Variants in MON1B observed in about 807,000 individuals in gnomAD.
The protein encoded by MON1B is MON1 vesicular trafficking associated B.
In MON1B, 26 loss-of-function variants were observed where a neutral mutation model predicts 45.1. That is an observed-to-expected ratio of 0.58 (90% CI 0.42 to 0.80). The LOEUF (loss-of-function observed/expected upper bound fraction) is 0.80. Among genes scored for constraint, MON1B ranks in the 30% least tolerant of loss-of-function variants. MON1B has a pLI of 0.00. For missense variants in MON1B, 737 were observed against 754.5 expected (o/e 0.98, Z 0.27); for synonymous variants, 395 against 320.2 (o/e 1.23, Z -2.49).
chr16:77,193,322 G>C lies in MON1B; in HGVS notation c.149-129G>C. 1 of 841,916 alleles carries C rather than the reference G, an allele frequency of 1.2e-6. No homozygotes were observed. The highest frequency in any genetic ancestry group is 1.8e-6 in the Non-Finnish European group (1 of 547,208). The allele number at this position is 841,916 out of a possible 1,614,324, so 52.2% of individuals were successfully genotyped here. On this transcript the variant is annotated intron_variant, in intron 2 of 5. Transcript: ENST00000248248. The surrounding 1 kb of genome is among the most constrained non-coding windows in gnomAD (Gnocchi z 5.0). ...GTCATCGGGTCATTGAGGGGCATAG[G>C]AGACACTTGGAGTTCTGCGTCAGCA...
chr16:77,191,654 G>A (rs368836415), intron 2 of MON1B, 21 bp downstream of exon 2: 2 of 1,602,626 alleles, frequency 1.2e-6, no homozygotes, highest in Non-Finnish European at 1.7e-6. Flanking sequence ...ACTTAGTGGG[G>A]TCTTAAAAGG....
chr16:77,194,041 G>C lies in MON1B; in HGVS notation c.475+264G>C. 1 of 600,880 alleles carries C rather than the reference G, an allele frequency of 1.7e-6. No homozygotes were observed. The highest frequency in any genetic ancestry group is 3.0e-6 in the Non-Finnish European group (1 of 338,706). 37.2% of individuals were successfully genotyped at this position (600,880 alleles called of 1,614,324 possible). The stretch of plus-strand genomic sequence containing the variant: ...CTGAGAGGATAACTGTGGGGGCTGT[G>C]TGGTTGAGCTGTGTCTTTCTGGCTC... On this transcript the variant is annotated intron_variant, in intron 3 of 5. Transcript: ENST00000248248. This position sits in a 1 kb window ranked among gnomAD's most constrained non-coding sequence, Gnocchi z 8.1.
In MON1B at chr16:77,200,891, G is replaced by T. The variant is rs2054734935; in HGVS notation, c.*2583G>T. ...AAATAGCTTTAAACAAAGCCCATGTGTACCTATCAGTATGCTTTAACTGTT... is the reference window on the plus strand; with the variant it reads ...AAATAGCTTTAAACAAAGCCCATGTTTACCTATCAGTATGCTTTAACTGTT... On this transcript the variant is annotated 3_prime_UTR_variant, in exon 6 of 6. Coordinates refer to ENST00000248248, the MANE Select transcript of MON1B (RefSeq NM_014940.4). 6.6e-6 allele frequency: 1 copy of T among 152,100 alleles called. No homozygotes were observed. The highest frequency in any genetic ancestry group is 1.5e-5 in the Non-Finnish European group (1 of 68,040). 9.4% of individuals were successfully genotyped at this position (152,100 alleles called of 1,614,324 possible). A position where few individuals can be genotyped will look rare whatever the true frequency, so the allele number is the denominator to read the frequency against.
chr16:77,194,078 T>C lies in MON1B; in HGVS notation c.476-257T>C. 1 of 602,724 alleles carries C rather than the reference T, an allele frequency of 1.7e-6. No individual in the cohort carries two copies. The highest frequency in any genetic ancestry group is 3.0e-6 in the Non-Finnish European group (1 of 338,656). The allele number at this position is 602,724 out of a possible 1,614,324, so 37.3% of individuals were successfully genotyped here. A position where few individuals can be genotyped will look rare whatever the true frequency, so the allele number is the denominator to read the frequency against. ...TGTCTTTCTGGCTCTGTGTCAGCCC[T>C]TGTACCATCTCTACCCGCCTGCCCG... is the stretch of plus-strand genomic sequence containing the variant. On this transcript the variant is annotated intron_variant, in intron 3 of 5. Transcript: ENST00000248248. This position sits in a 1 kb window ranked among gnomAD's most constrained non-coding sequence, Gnocchi z 8.1.
At position 77,193,332 on chromosome 16, in the gene MON1B, G is replaced by A. The variant is rs1367897585; in HGVS notation, c.149-119G>A. On this transcript the variant is annotated intron_variant, in intron 2 of 5. Coordinates refer to ENST00000248248, the MANE Select transcript of MON1B (RefSeq NM_014940.4). The surrounding 1 kb of genome is among the most constrained non-coding windows in gnomAD (Gnocchi z 5.0). Reference sequence around the variant, plus strand: ...CATTGAGGGGCATAGGAGACACTTGGAGTTCTGCGTCAGCATGCAGGGGTC... The same window carrying A: ...CATTGAGGGGCATAGGAGACACTTGAAGTTCTGCGTCAGCATGCAGGGGTC... 3 of 949,224 alleles carry A rather than the reference G, an allele frequency of 3.2e-6. No individual in the cohort carries two copies. The highest frequency in any genetic ancestry group is 4.7e-6 in the Non-Finnish European group (3 of 640,384). The allele number at this position is 949,224 out of a possible 1,614,324, so 58.8% of individuals were successfully genotyped here. A position where few individuals can be genotyped will look rare whatever the true frequency, so the allele number is the denominator to read the frequency against.
rs531060543 is a variant in MON1B, at chr16:77,193,087, G to A, written c.149-364G>A. On this transcript the variant is annotated intron_variant, in intron 2 of 5. Transcript: ENST00000248248. The surrounding 1 kb of genome is among the most constrained non-coding windows in gnomAD (Gnocchi z 5.0). ...AAAAATAGCGGTCAGAGGAGTTAAT[G>A]GGGGATCATTGAAGATGAATAATCG... Among the ~76,000 whole-genome samples, 1 of 152,170 alleles carries A rather than the reference G, an allele frequency of 6.6e-6. No individual in the cohort carries two copies. The highest frequency in any genetic ancestry group is 2.1e-4 in the South Asian group (1 of 4,830).
rs1183497007 is a variant in MON1B at position 77,201,516 on chromosome 16, C to G, written c.*3208C>G. On this transcript the variant is annotated 3_prime_UTR_variant, in exon 6 of 6. Coordinates refer to ENST00000248248, the MANE Select transcript of MON1B (RefSeq NM_014940.4). ...CCTTTTCCTGCCTCAGGGAAGAGAG[C>G]TGACTCAAAGTAAAGGCTTTGCTAG... 1 of 152,146 alleles carries G rather than the reference C, an allele frequency of 6.6e-6. No individual in the cohort carries two copies. Among genetic ancestry groups the G allele is most frequent in the East Asian group, 1.9e-4 (1 of 5,196 alleles). The allele number at this position is 152,146 out of a possible 1,614,324, so 9.4% of individuals were successfully genotyped here. A position where few individuals can be genotyped will look rare whatever the true frequency, so the allele number is the denominator to read the frequency against.
chr16:77,193,722 C>T lies in MON1B; in HGVS notation c.420C>T (p.Thr140=), dbSNP rs776373589. 20 of 1,613,996 alleles carry T rather than the reference C, an allele frequency of 1.2e-5. No individual in the cohort carries two copies. The East Asian group carries it at 1.8e-4, about 14-fold the overall frequency. Reference sequence around the variant, plus strand: ...TGTCGGCTACCATGGGTGTAATGACCGCCCTGGTGTCCTTTGTGCAGAGTG... The same window carrying T: ...TGTCGGCTACCATGGGTGTAATGACTGCCCTGGTGTCCTTTGTGCAGAGTG... ...EALSATMGVM[T]ALVSFVQSAG... Residue 140 remains threonine (T), a synonymous_variant, in exon 3 of 6, where the codon ACC becomes ACT. Transcript: ENST00000248248. The surrounding 1 kb of genome is among the most constrained non-coding windows in gnomAD (Gnocchi z 5.0).
rs1473978380 is a variant in MON1B, at chr16:77,201,504, C to T, written c.*3196C>T. ...TAGAGAAACAGGCCTTTTCCTGCCT[C>T]AGGGAAGAGAGCTGACTCAAAGTAA... On this transcript the variant is annotated 3_prime_UTR_variant, in exon 6 of 6. Transcript: ENST00000248248. 1.3e-5 allele frequency: 2 copies of T among 152,150 alleles called. No individual in the cohort carries two copies. The highest frequency in any genetic ancestry group is 1.3e-4 in the Admixed American group (2 of 15,270). The allele number at this position is 152,150 out of a possible 1,614,324, so 9.4% of individuals were successfully genotyped here. A position where few individuals can be genotyped will look rare whatever the true frequency, so the allele number is the denominator to read the frequency against.
Position 77,199,606 on chromosome 16 carries a change from C to A in MON1B, c.*1298C>A. On this transcript the variant is annotated 3_prime_UTR_variant, in exon 6 of 6. Transcript: ENST00000248248. Reference sequence around the variant, plus strand: ...ATTACAATAATGAAATAATGATATTCTAATTTTTTTAAATAAAATGTTAAG... The same window carrying A: ...ATTACAATAATGAAATAATGATATTATAATTTTTTTAAATAAAATGTTAAG... The A allele has an allele frequency of 9.5e-7, 1 of 1,052,288 alleles. No homozygotes were observed. The highest frequency in any genetic ancestry group is 1.4e-6 in the Non-Finnish European group (1 of 727,206). The allele number at this position is 1,052,288 out of a possible 1,614,324, so 65.2% of individuals were successfully genotyped here.
rs2054751380 is a variant in MON1B at position 77,202,307 on chromosome 16, C to G, written c.*3999C>G. 2 of 152,188 alleles carry G rather than the reference C, an allele frequency of 1.3e-5. No homozygotes were observed. Among genetic ancestry groups the G allele is most frequent in the Non-Finnish European group, 2.9e-5 (2 of 68,030 alleles). The allele number at this position is 152,188 out of a possible 1,614,324, so 9.4% of individuals were successfully genotyped here. A position where few individuals can be genotyped will look rare whatever the true frequency, so the allele number is the denominator to read the frequency against. Reference sequence around the variant, plus strand: ...TCAGAATCACTCACAAATGGGAAATCTGATATAAGGACAAAATGGGAGCAC... The same window carrying G: ...TCAGAATCACTCACAAATGGGAAATGTGATATAAGGACAAAATGGGAGCAC... On this transcript the variant is annotated 3_prime_UTR_variant, in exon 6 of 6. Transcript: ENST00000248248.
chr16:77,193,989 G>C lies in MON1B; in HGVS notation c.475+212G>C, dbSNP rs554983328. 8.2e-6 allele frequency: 5 copies of C among 606,636 alleles called. No individual in the cohort carries two copies. The highest frequency in any genetic ancestry group is 1.5e-5 in the Non-Finnish European group (5 of 344,018). The allele number at this position is 606,636 out of a possible 1,614,324, so 37.6% of individuals were successfully genotyped here. A position where few individuals can be genotyped will look rare whatever the true frequency, so the allele number is the denominator to read the frequency against. ...TAGTGATTGACTTGCTGGGATCTCA[G>C]TGACTAGCTGGATACTTCTGTGTCA... is the stretch of plus-strand genomic sequence containing the variant. On this transcript the variant is annotated intron_variant, in intron 3 of 5. Coordinates refer to ENST00000248248, the MANE Select transcript of MON1B (RefSeq NM_014940.4). The surrounding 1 kb of genome is among the most constrained non-coding windows in gnomAD (Gnocchi z 5.0).
In MON1B at chr16:77,193,621, A is replaced by C. The variant is rs1415365691; in HGVS notation, c.319A>C (p.Ser107Arg). The C allele has an allele frequency of 6.2e-7, 1 of 1,613,992 alleles. No homozygotes were observed. The highest frequency in any genetic ancestry group is 1.3e-5 in the African/African-American group (1 of 74,930). ...GGACCCCAGTGATGAGGAGTGGCGC[A>C]GCCAGCGGAAGCATGTGTTTGTGCT... Reference protein sequence around the residue: ...GGDPSDEEWRSQRKHVFVLSE... With the variant: ...GGDPSDEEWRRQRKHVFVLSE... Residue 107 changes from serine to arginine, a missense_variant, in exon 3 of 6, where the codon AGC (serine) becomes CGC (arginine). Ser to Arg is a moderately radical substitution (Grantham distance 110). Transcript: ENST00000248248. This position sits in a 1 kb window ranked among gnomAD's most constrained non-coding sequence, Gnocchi z 5.0.
chr16:77,191,380 T>A, intron 1 of MON1B, 96 bp from the exon 2 acceptor site: 1 of 1,585,722 alleles, frequency 6.3e-7, no homozygotes, highest in Non-Finnish European at 8.6e-7. Context: ...CGTGGGGAAA[T>A]GAGCAGTAGG....
chr16:77,195,454 A>G, intron 4 of MON1B, 81 bp from the exon 5 acceptor site: 1 of 1,454,260 alleles, frequency 6.9e-7, no homozygotes, highest in Non-Finnish European at 9.2e-7. Context: ...CTTCATTGAA[A>G]TCTCTAGACT....
Position 77,191,474 on chromosome 16 carries a change from A to C in MON1B, c.-10-2A>C. On this transcript the variant is annotated splice_acceptor_variant, in intron 1 of 5. Coordinates refer to ENST00000248248, the MANE Select transcript of MON1B (RefSeq NM_014940.4). LOFTEE classifies it low-confidence loss of function (5UTR_SPLICE). ...GTCACCCTCGATTCCCCTCCCACTC[A>C]GGGATGTGCAGATGGAGGTCGGAGG... 1 of 1,596,246 alleles carries C rather than the reference A, an allele frequency of 6.3e-7. No homozygotes were observed. Among genetic ancestry groups the C allele is most frequent in the Non-Finnish European group, 8.5e-7 (1 of 1,173,556 alleles).
In MON1B at chr16:77,195,074, C is replaced by A; in HGVS notation, c.1215C>A (p.Val405=). The stretch of plus-strand genomic sequence containing the variant: ...CTCCTGCCTACAGCGTGCAGGCTGT[C>A]GGGGCGCCGGGCCTCCGGCACTTCC... The part of the protein sequence containing the change: ...ASAPAYSVQA[V]GAPGLRHFLY... Residue 405 remains valine (V), a synonymous_variant, in exon 4 of 6, where the codon GTC becomes GTA. Coordinates refer to ENST00000248248, the MANE Select transcript of MON1B (RefSeq NM_014940.4). 1.2e-6 allele frequency: 2 copies of A among 1,605,826 alleles called. No individual in the cohort carries two copies. The highest frequency in any genetic ancestry group is 8.5e-7 in the Non-Finnish European group (1 of 1,179,552).
Position 77,193,154 on chromosome 16 carries a change from C to T in MON1B, c.149-297C>T, listed in dbSNP as rs567202906. ...GGGTGCTTTGAAGACTTTGGAATAA[C>T]AGTGATTGAAAGGGAAGTAATTGGT... On this transcript the variant is annotated intron_variant, in intron 2 of 5. Coordinates refer to ENST00000248248, the MANE Select transcript of MON1B (RefSeq NM_014940.4). This position sits in a 1 kb window ranked among gnomAD's most constrained non-coding sequence, Gnocchi z 5.0. Among the ~76,000 whole-genome samples the T allele has an allele frequency of 2.6e-5, 4 of 152,076 alleles. No individual in the cohort carries two copies. The highest frequency in any genetic ancestry group is 2.1e-4 in the South Asian group (1 of 4,820).
At position 77,194,229 on chromosome 16, in the gene MON1B, C is replaced by T. The variant is rs549939253; in HGVS notation, c.476-106C>T. 5.9e-6 allele frequency: 6 copies of T among 1,022,512 alleles called. No individual in the cohort carries two copies. The highest frequency in any genetic ancestry group is 2.6e-5 in the South Asian group (2 of 78,272). 63.3% of individuals were successfully genotyped at this position (1,022,512 alleles called of 1,614,324 possible). On this transcript the variant is annotated intron_variant, in intron 3 of 5. Transcript: ENST00000248248. This position sits in a 1 kb window ranked among gnomAD's most constrained non-coding sequence, Gnocchi z 8.1. ...TGCCCACAGAGTGAGCATGTGGACTCGGGCCTGGTGTGTGTATGGTAGGAG... is the reference window on the plus strand; with the variant it reads ...TGCCCACAGAGTGAGCATGTGGACTTGGGCCTGGTGTGTGTATGGTAGGAG...
Sources: gnomAD v4.1 joint callset for allele counts (sites outside exome capture counted in the v4.1 genomes callset) on GRCh38, gnomAD v4.1.1 for gene constraint, Gnocchi (gnomAD v3.1) non-coding constraint, MANE v1.5 for transcripts, NCBI Gene and HGNC (gene_info 2026-07-23, HGNC 2026-07-21) for gene names.